Variants in TTN observed in about 807,000 individuals in gnomAD.
TTN encodes titin, also known as connectin.
TTN carries 1,525 observed loss-of-function variants against 3,223.0 expected under a neutral mutation model. That is an observed-to-expected ratio of 0.47 (90% CI 0.45 to 0.49). The LOEUF (loss-of-function observed/expected upper bound fraction) is 0.49. Among genes scored for constraint, TTN ranks in the 20% least tolerant of loss-of-function variants. TTN has a pLI of 0.00. For missense variants in TTN, 40,786 were observed against 43,424.0 expected (o/e 0.94, Z 5.40); for synonymous variants, 14,094 against 15,161.0 (o/e 0.93, Z 5.17).
chr2:178,559,624 C>T lies in TTN; in HGVS notation c.86508G>A (p.Leu28836=). ...TIQNVLSAAS[L]TLVVKVLDTP... ...TATCTAAAACTTTGACAACTAAGGT[C>T]AGTGAAGCAGCACTCAAAACATTCT... Residue 28836 remains leucine, a synonymous_variant, in exon 326 of 363, where the codon CTG becomes CTA. Coordinates refer to ENST00000589042, the MANE Select transcript of TTN (RefSeq NM_001267550.2). 6.2e-7 allele frequency: 1 copy of T among 1,613,790 alleles called. No individual in the cohort carries two copies. The highest frequency in any genetic ancestry group is 1.1e-5 in the South Asian group (1 of 91,048).
chr2:178,600,593 TAAAAC>T (rs2053112038), intron 288 of TTN: 6 of 486,568 alleles, frequency 1.2e-5, no homozygotes, highest in South Asian at 7.6e-5. Flanking sequence ...CTCTGATAAA[TAAAAC>T]AGACTGCGAG....
rs949881130 is a variant in TTN, at chr2:178,563,121, C to G, written c.83011G>C (p.Glu27671Gln). ...GCATCGAGTTCTATTTCTGGTGGCT[C>G]TATCCTCTCCTGAGCAACCACTGAG... ...PGSVVAQERI[E>Q]PPEIELDADL... is the part of the protein sequence containing the mutation. Residue 27671 changes from glutamate (E) to glutamine (Q), a missense_variant, in exon 326 of 363, where the codon GAG becomes CAG. Coordinates refer to ENST00000589042, the MANE Select transcript of TTN (RefSeq NM_001267550.2). This position sits in a 1 kb window ranked among gnomAD's most constrained non-coding sequence, Gnocchi z 4.5. The G allele has an allele frequency of 6.8e-6, 11 of 1,613,706 alleles. No individual in the cohort carries two copies. Among genetic ancestry groups the G allele is most frequent in the Admixed American group, 6.7e-5 (4 of 59,994 alleles).
chr2:178,542,259 C>T lies in TTN; in HGVS notation c.97492+5G>A. ...GGAGAGTGGTGGAAGGGCCTGTGGACTTACGGATGCTGCTGCGACACTCTA... is the reference window on the plus strand; with the variant it reads ...GGAGAGTGGTGGAAGGGCCTGTGGATTTACGGATGCTGCTGCGACACTCTA... On this transcript the variant is annotated splice_donor_5th_base_variant and intron_variant, in intron 349 of 362. Coordinates refer to ENST00000589042, the MANE Select transcript of TTN (RefSeq NM_001267550.2). 1 of 1,602,400 alleles carries T rather than the reference C, an allele frequency of 6.2e-7. No individual in the cohort carries two copies. Among genetic ancestry groups the T allele is most frequent in the South Asian group, 1.1e-5 (1 of 89,762 alleles).
chr2:178,568,762 A>T lies in TTN; in HGVS notation c.77370T>A (p.Val25790=). ...CTGGCTCAATTACCAGATCTTTGGC[A>T]ACTATTGGAACTGCAAGGGACCGAG... ...SDPRSLAVPI[V]AKDLVIEPDV... Residue 25790 remains valine, a synonymous_variant, in exon 326 of 363, where the codon GTT becomes GTA. Coordinates refer to ENST00000589042, the MANE Select transcript of TTN (RefSeq NM_001267550.2). 2 of 1,612,868 alleles carry T rather than the reference A, an allele frequency of 1.2e-6. No individual in the cohort carries two copies. The highest frequency in any genetic ancestry group is 1.7e-6 in the Non-Finnish European group (2 of 1,179,260).
In TTN at chr2:178,576,712, T is replaced by A; in HGVS notation, c.69532A>T (p.Arg23178Trp). ...GSEITGYHVE[R>W]REKKSLRWVR... ...CATCGCAGGCTTTTCTTTTCTCTCC[T>A]TTCTACATGATATCCTGTAATTTCG... The change falls in exon 325 of 363, where the codon AGG (arginine) becomes TGG (tryptophan). Residue 23178 changes from arginine to tryptophan, a missense_variant. Physicochemically the swap from Arg to Trp is moderately radical, Grantham distance 101. Transcript: ENST00000589042. The surrounding 1 kb of genome is among the most constrained non-coding windows in gnomAD (Gnocchi z 4.3). The A allele has an allele frequency of 6.2e-7, 1 of 1,613,590 alleles. No individual in the cohort carries two copies. The highest frequency in any genetic ancestry group is 1.7e-4 in the Middle Eastern group (1 of 6,058).
Position 178,664,376 on chromosome 2 carries a change from C to T in TTN, c.36280+84G>A. 2.7e-6 allele frequency: 3 copies of T among 1,100,334 alleles called. No individual in the cohort carries two copies. In the South Asian group the frequency reaches 4.3e-5, roughly 16 times the overall value. The allele number at this position is 1,100,334 out of a possible 1,614,324, so 68.2% of individuals were successfully genotyped here. On this transcript the variant is annotated intron_variant, in intron 168 of 362. Transcript: ENST00000589042. ...ACAGACATGATTCACATGTACACAT[C>T]AAAATAATTTTCAAAACTAGAAAGG... is the stretch of plus-strand genomic sequence containing the variant.
chr2:178,601,643 C>T lies in TTN; in HGVS notation c.55432+15G>A. 1.3e-6 allele frequency: 2 copies of T among 1,585,580 alleles called. No homozygotes were observed. The highest frequency in any genetic ancestry group is 4.5e-5 in the East Asian group (2 of 44,570). ...TTTGTTTTTATTCTGTAGCAACTTT[C>T]AAAGTCTTTCTTACCCATGACTTTA... On this transcript the variant is annotated intron_variant, in intron 286 of 362. Transcript: ENST00000589042.
Position 178,636,144 on chromosome 2 carries a change from G to A in TTN, c.41427C>T (p.Asp13809=), listed in dbSNP as rs776002330. The change falls in exon 226 of 363, where the codon GAC becomes GAT. Residue 13809 remains aspartate (D), a synonymous_variant. Coordinates refer to ENST00000589042, the MANE Select transcript of TTN (RefSeq NM_001267550.2). This position sits in a 1 kb window ranked among gnomAD's most constrained non-coding sequence, Gnocchi z 4.3. ...TCTTGCCATCCTTCCTCCAGACCAC[G>A]TCACGCTCTTTGTTTAACTCGCAGC... ...YLSCELNKER[D]VVWRKDGKIV... 6.2e-6 allele frequency: 10 copies of A among 1,612,960 alleles called. No homozygotes were observed. Among genetic ancestry groups the A allele is most frequent in the Middle Eastern group, 1.7e-4 (1 of 6,052 alleles).
chr2:178,692,523 T>C lies in TTN; in HGVS notation c.31652A>G (p.Lys10551Arg). 6.3e-7 allele frequency: 1 copy of C among 1,587,850 alleles called. No homozygotes were observed. The highest frequency in any genetic ancestry group is 8.6e-7 in the Non-Finnish European group (1 of 1,165,850). ...PEEVAPVPIP[K>R]KVEPPAPKVP... The stretch of plus-strand genomic sequence containing the variant: ...TTTTGGTGCTGGGGGCTCCACTTTT[T>C]TAGGGATAGGAACAGGGGCCACTTC... Residue 10551 changes from lysine to arginine, a missense_variant, in exon 120 of 363, where the codon AAA becomes AGA. By Grantham distance (26) the Lys-to-Arg change is conservative (BLOSUM62 2). Transcript: ENST00000589042.
intron 292 of TTN, 87 bp from the exon 293 acceptor site, chr2:178,598,145 C>G: frequency 1.4e-6 from 2 of 1,431,276 alleles, no homozygotes; most frequent in East Asian, 4.6e-5. Flanking sequence ...CACCAGCAGC[C>G]TATTTAACTG....
rs751724481 is a variant in TTN, at chr2:178,750,826, T to C, written c.11311+2298A>G. On this transcript the variant is annotated intron_variant, in intron 47 of 362. Coordinates refer to ENST00000589042, the MANE Select transcript of TTN (RefSeq NM_001267550.2). ...TCTCATATACTTCCTCCTTCTCACA[T>C]ACATTAGTGATATATGTGGATGACT... 85 of 1,613,084 alleles carry C rather than the reference T, an allele frequency of 5.3e-5. No homozygotes were observed. The highest frequency in any genetic ancestry group is 1.6e-4 in the Middle Eastern group (1 of 6,072).
intron 111 of TTN, among the ~76,000 whole-genome samples, chr2:178,699,381 C>CTTTT (rs2074372033): frequency 1.4e-5 from 1 of 73,406 alleles, no homozygotes; most frequent in Non-Finnish European, 3.0e-5. Flanking sequence ...ATAAATAACA[C>CTTTT]TCTTTTTTTT....
chr2:178,672,834 C>A, intron 152 of TTN, 131 bp from the exon 153 acceptor site: 1 of 628,578 alleles, frequency 1.6e-6, no homozygotes, highest in Non-Finnish European at 2.6e-6. Flanking sequence ...GTGGGACATC[C>A]ATTTTAGAGG....
At chr2:178,610,867 C>A in intron 270 of TTN, 126 bp downstream of exon 270, 1 of 1,180,182 alleles carries the variant, frequency 8.5e-7, no homozygotes, top group Admixed American at 2.5e-5. Flanking sequence ...AAGACATAAT[C>A]AGAAGTGACA....
At chr2:178,643,693 C>T (rs2061527193) in intron 218 of TTN, among the ~76,000 whole-genome samples, 1 of 151,732 alleles carries the variant, frequency 6.6e-6, no homozygotes. Context: ...TGATTATATG[C>T]TATTTTAATG....
rs777963995 is a variant in TTN, at chr2:178,751,617, AT to A, written c.11311+1506del. ...TCTTGCCCTTTTTGGATAACAAGCA[AT>A]GATGCAGTTGATTCTGCAGACCCTT... On this transcript the variant is annotated intron_variant, in intron 47 of 362. Coordinates refer to ENST00000589042, the MANE Select transcript of TTN (RefSeq NM_001267550.2). The A allele has an allele frequency of 5.1e-5, 83 of 1,613,216 alleles. No individual in the cohort carries two copies. The highest frequency in any genetic ancestry group is 6.6e-5 in the Non-Finnish European group (78 of 1,179,510).
intron 24 of TTN, 24 bp downstream of exon 24, chr2:178,778,850 A>C: frequency 6.2e-7 from 1 of 1,613,644 alleles, no homozygotes; most frequent in Non-Finnish European, 8.5e-7. Flanking sequence ...CATACTAAAT[A>C]ACCCAAATTA....
chr2:178,645,927 T>G lies in TTN; in HGVS notation c.40401A>C (p.Gln13467His). Residue 13467 changes from glutamine (Q) to histidine (H), a missense_variant, in exon 217 of 363, where the codon CAA becomes CAC. Physicochemically the swap from Gln to His is conservative, Grantham distance 24. Transcript: ENST00000589042. ...GGAAGTGGCATTTTTTACCTTTAAG[T>G]TGGAATATTTTCTCCTTCACATCTT... ...PKEDVKEKIF[Q>H]LKAIPKKKVP... is the part of the protein sequence containing the mutation. 1.3e-6 allele frequency: 2 copies of G among 1,571,860 alleles called. No homozygotes were observed. Among genetic ancestry groups the G allele is most frequent in the South Asian group, 2.4e-5 (2 of 82,886 alleles).
At chr2:178,716,569 C>T (rs554537298) in intron 88 of TTN, among the ~76,000 whole-genome samples, 1 of 152,272 alleles carries the variant, frequency 6.6e-6, no homozygotes, top group South Asian at 2.1e-4. Flanking sequence ...TGACTGCCTT[C>T]CATAATAGCA....
Sources: allele counts gnomAD v4.1 joint callset (sites outside exome capture counted in the v4.1 genomes callset), GRCh38; gene constraint gnomAD v4.1.1; non-coding constraint Gnocchi (gnomAD v3.1); transcripts MANE v1.5; gene names NCBI Gene and HGNC (gene_info 2026-07-23, HGNC 2026-07-21).